Variants in PLD5 observed in about 807,000 individuals in gnomAD.
The protein encoded by PLD5 is phospholipase D family member 5.
Under a neutral mutation model 61.1 loss-of-function variants are expected in PLD5, and 36 were observed. The ratio of observed to expected loss-of-function variants is 0.59; its 90% CI spans 0.45 to 0.78. PLD5 has a LOEUF of 0.78. PLD5 is among the 30% of genes least tolerant of loss of function. PLD5 has a pLI of 0.00. For missense variants in PLD5, 515 were observed against 644.4 expected (o/e 0.80, Z 2.17); for synonymous variants, 243 against 242.8 (o/e 1.00, Z -0.01).
chr1:242,284,511 G>A (rs1037967953), intron 3 of PLD5, among the ~76,000 whole-genome samples: 3 of 152,140 alleles, frequency 2.0e-5, no homozygotes, highest in South Asian at 2.1e-4. Context: ...AACCTGTTGT[G>A]CATACCGCTC....
chr1:242,144,295 A>T (rs560462069), intron 5 of PLD5, among the ~76,000 whole-genome samples: 52 of 152,138 alleles, frequency 3.4e-4, no homozygotes, highest in Non-Finnish European at 4.4e-5. Context: ...AAATTTCTGC[A>T]GGCTGGGTTG....
intron 5 of PLD5, among the ~76,000 whole-genome samples, chr1:242,207,243 AC>A (rs1170361211): frequency 6.6e-6 from 1 of 151,478 alleles, no homozygotes; most frequent in East Asian, 1.9e-4. Context: ...TAACCTTCAC[AC>A]CCTCATAATT....
intron 1 of PLD5, among the ~76,000 whole-genome samples, chr1:242,471,294 C>G (rs558792053): frequency 6.0e-5 from 9 of 149,684 alleles, no homozygotes; most frequent in African/African-American, 2.2e-4. Context: ...GAAAAAAAAT[C>G]AGTGCTGGTT....
rs1376273818 is a variant in PLD5, at chr1:242,090,016, A to G, written c.1449T>C (p.Ile483=). The change falls in exon 10 of 10, where the codon ATT becomes ATC. Residue 483 remains isoleucine, a synonymous_variant. Transcript: ENST00000536534. ...TTTCAAACACATCTTTAAGTTGCTT[A>G]ATGATGCTTCTGTTGTTCCTCACAT... ...QADVRNNRSI[I]KQLKDVFERD... is the part of the protein sequence containing the mutation. 4.3e-6 allele frequency: 7 copies of G among 1,614,208 alleles called. No homozygotes were observed. The highest frequency in any genetic ancestry group is 5.9e-6 in the Non-Finnish European group (7 of 1,180,038).
intron 3 of PLD5, among the ~76,000 whole-genome samples, chr1:242,286,561 C>A (rs548891028): frequency 6.6e-6 from 1 of 151,194 alleles, no homozygotes; most frequent in Non-Finnish European, 1.5e-5. Context: ...GGTTTTATAC[C>A]CCTTCTATAT....
At chr1:242,142,532 T>C (rs765315768) in intron 5 of PLD5, among the ~76,000 whole-genome samples, 5 of 152,218 alleles carry the variant, frequency 3.3e-5, no homozygotes, top group Non-Finnish European at 7.3e-5. Flanking sequence ...ATATACTTTA[T>C]ATATTCTAAG....
intron 1 of PLD5, among the ~76,000 whole-genome samples, chr1:242,407,658 C>CA (rs1558539810): frequency 6.6e-6 from 1 of 151,312 alleles, no homozygotes; most frequent in African/African-American, 2.4e-5. Context: ...CAGCTCACTG[C>CA]AACCTCTGCC....
chr1:242,389,567 G>A (rs12094339), intron 1 of PLD5, among the ~76,000 whole-genome samples: 9 of 151,808 alleles, frequency 5.9e-5, no homozygotes, highest in African/African-American at 1.7e-4. Context: ...TACTCTGAGG[G>A]GGGGAAAATC....
At chr1:242,341,836 C>T (rs1355139802) in intron 2 of PLD5, among the ~76,000 whole-genome samples, 1 of 143,366 alleles carries the variant, frequency 7.0e-6, no homozygotes, top group African/African-American at 2.6e-5. Flanking sequence ...TGAGTTGTTC[C>T]GTTTCCTTCA....
At chr1:242,407,942 CTTAA>C (rs1664336555) in intron 1 of PLD5, among the ~76,000 whole-genome samples, 1 of 152,166 alleles carries the variant, frequency 6.6e-6, no homozygotes, top group South Asian at 2.1e-4. Context: ...TGCTTTCTTA[CTTAA>C]TAAGTCTTTG....
chr1:242,401,462 C>T (rs758021882), intron 1 of PLD5, among the ~76,000 whole-genome samples: 2 of 152,118 alleles, frequency 1.3e-5, no homozygotes, highest in Non-Finnish European at 2.9e-5. Context: ...TGGGATTAAA[C>T]ACAGAATCCT....
At chr1:242,315,770 A>C (rs4658807) in intron 2 of PLD5, among the ~76,000 whole-genome samples, 147,306 of 152,272 alleles carry the variant, frequency 0.97, 71,375 homozygotes, top group Non-Finnish European at 1. Context: ...CACTCCTTTA[A>C]TTTTTTGATG....
intron 1 of PLD5, among the ~76,000 whole-genome samples, chr1:242,448,821 G>A (rs1223604499): frequency 6.6e-6 from 1 of 152,020 alleles, no homozygotes; most frequent in East Asian, 1.9e-4. Context: ...TGTTGTTACT[G>A]CCTATGATAG....
intron 1 of PLD5, among the ~76,000 whole-genome samples, chr1:242,433,342 C>T (rs1460231510): frequency 1.3e-5 from 2 of 152,172 alleles, no homozygotes; most frequent in Non-Finnish European, 2.9e-5. Context: ...AAAGAATTCT[C>T]CTCTCAGGAC....
chr1:242,375,495 G>T (rs781581147), intron 1 of PLD5, among the ~76,000 whole-genome samples: 2 of 152,142 alleles, frequency 1.3e-5, no homozygotes, highest in Non-Finnish European at 2.9e-5. Context: ...GTTTCATGCA[G>T]TTATGATGGA....
At chr1:242,486,313 T>C (rs1036013827) in intron 1 of PLD5, among the ~76,000 whole-genome samples, 2 of 152,056 alleles carry the variant, frequency 1.3e-5, no homozygotes, top group African/African-American at 4.8e-5. Context: ...TGCAATCTAC[T>C]CATCTGACAA....
At chr1:242,207,884 A>ATATATT (rs1307193976) in intron 5 of PLD5, among the ~76,000 whole-genome samples, 335 of 28,602 alleles carry the variant, frequency 0.012, 98 homozygotes, top group African/African-American at 0.048. Flanking sequence ...ATATTTATAT[A>ATATATT]TTTATATATA....
chr1:242,300,648 A>G (rs1168667804), intron 2 of PLD5, among the ~76,000 whole-genome samples: 1 of 151,646 alleles, frequency 6.6e-6, no homozygotes, highest in East Asian at 1.9e-4. Flanking sequence ...TGTGGTTTAT[A>G]CTGTGTGATG....
intron 2 of PLD5, among the ~76,000 whole-genome samples, chr1:242,328,993 C>T (rs1004228443): frequency 2.8e-5 from 4 of 141,454 alleles, no homozygotes; most frequent in Non-Finnish European, 6.1e-5. Context: ...TTTTTTCCTG[C>T]AAATTTTTTG....
Sources: allele counts gnomAD v4.1 joint callset (sites outside exome capture counted in the v4.1 genomes callset), GRCh38; gene constraint gnomAD v4.1.1; transcripts MANE v1.5; gene names NCBI Gene and HGNC (gene_info 2026-07-23, HGNC 2026-07-21).